The following PPP4R4 variants were observed in gnomAD, a reference collection of about 807,000 sequenced individuals.
PPP4R4 encodes serine/threonine-protein phosphatase 4 regulatory subunit 4.
A neutral mutation model predicts 121.8 loss-of-function variants in PPP4R4; 70 were observed. The observed-to-expected ratio is 0.57, with a 90% confidence interval of 0.47 to 0.70. The LOEUF is 0.70. Ranked by LOEUF, PPP4R4 falls within the 30% of genes least tolerant of loss-of-function variation. PPP4R4 has a pLI of 0.00. For missense variants in PPP4R4, 875 were observed against 1,033.6 expected (o/e 0.85, Z 2.10); for synonymous variants, 348 against 355.7 (o/e 0.98, Z 0.24).
intron 7 of PPP4R4, among the ~76,000 whole-genome samples, chr14:94,236,325 A>G (rs532807691): frequency 6.6e-6 from 1 of 152,272 alleles, no homozygotes; most frequent in East Asian, 1.9e-4. Flanking sequence ...TTCTTAAACT[A>G]TTTTCTTTCA....
intron 4 of PPP4R4, 133 bp downstream of exon 4, chr14:94,230,867 A>G: frequency 1.0e-6 from 1 of 990,874 alleles, no homozygotes; most frequent in Non-Finnish European, 1.4e-6. Context: ...TGAGCAGTGG[A>G]ATGACTTAAA....
At chr14:94,236,330 C>A (rs1419746309) in intron 7 of PPP4R4, among the ~76,000 whole-genome samples, 1 of 152,042 alleles carries the variant, frequency 6.6e-6, no homozygotes, top group East Asian at 1.9e-4. Flanking sequence ...AAACTATTTT[C>A]TTTCATTGTT....
intron 3 of PPP4R4, among the ~76,000 whole-genome samples, chr14:94,224,046 A>G (rs1891560231): frequency 6.6e-6 from 1 of 152,216 alleles, no homozygotes; most frequent in Non-Finnish European, 1.5e-5. Flanking sequence ...TTGGTATGAC[A>G]TTACATGTAT....
At chr14:94,197,114 C>A (rs1213076134) in intron 2 of PPP4R4, among the ~76,000 whole-genome samples, 1 of 152,100 alleles carries the variant, frequency 6.6e-6, no homozygotes, top group Non-Finnish European at 1.5e-5. Context: ...TTCTGTTTCT[C>A]TCCTGTACTT....
chr14:94,182,398 C>T (rs1340245666), intron 2 of PPP4R4, among the ~76,000 whole-genome samples: 1 of 152,144 alleles, frequency 6.6e-6, no homozygotes, highest in African/African-American at 2.4e-5. Flanking sequence ...ATCATGTTAG[C>T]TTAGTAGCTT....
intron 7 of PPP4R4, among the ~76,000 whole-genome samples, chr14:94,236,090 G>A (rs1331854985): frequency 6.6e-6 from 1 of 152,172 alleles, no homozygotes; most frequent in Admixed American, 6.5e-5. Context: ...CACAGGGTAT[G>A]GTAGTGTACT....
intron 17 of PPP4R4, among the ~76,000 whole-genome samples, chr14:94,257,595 T>A (rs1893541788): frequency 6.6e-6 from 1 of 151,514 alleles, no homozygotes; most frequent in Non-Finnish European, 1.5e-5. Flanking sequence ...CTTCTTTCAT[T>A]AACTGGTATA....
chr14:94,178,386 A>G (rs973179468), intron 2 of PPP4R4, among the ~76,000 whole-genome samples: 4 of 150,322 alleles, frequency 2.7e-5, no homozygotes, highest in African/African-American at 9.7e-5. Context: ...TTTATGTGTC[A>G]GGTTTGTTTC....
chr14:94,190,288 A>G (rs775141754), intron 2 of PPP4R4, among the ~76,000 whole-genome samples: 10 of 152,034 alleles, frequency 6.6e-5, no homozygotes, highest in Non-Finnish European at 1.0e-4. Flanking sequence ...TTCCCCTGCT[A>G]TGTCTTAACA....
chr14:94,220,252 A>G (rs966146966), intron 3 of PPP4R4, among the ~76,000 whole-genome samples: 7 of 152,104 alleles, frequency 4.6e-5, no homozygotes, highest in African/African-American at 1.7e-4. Flanking sequence ...TAACCTCACA[A>G]CTCAGTAAAC....
At chr14:94,231,343 A>G (rs1352866585) in intron 5 of PPP4R4, 28 bp downstream of exon 5, 2 of 1,548,674 alleles carry the variant, frequency 1.3e-6, no homozygotes, top group African/African-American at 1.4e-5. Flanking sequence ...GCAAATACTA[A>G]TAAGTAAGTC....
chr14:94,230,859 A>C, intron 4 of PPP4R4, 125 bp downstream of exon 4: 1 of 1,112,554 alleles, frequency 9.0e-7, no homozygotes. Flanking sequence ...CTAGGAGTTG[A>C]GCAGTGGAAT....
chr14:94,233,644 T>C lies in PPP4R4; in HGVS notation c.517-9T>C, dbSNP rs1253812973. On this transcript the variant is annotated splice_polypyrimidine_tract_variant and intron_variant, in intron 5 of 24. Coordinates refer to ENST00000304338, the MANE Select transcript of PPP4R4 (RefSeq NM_058237.2). ...TTTGTGAATTTTTTTCTCTAAATTT[T>C]CTCTTTAGATTTTGAATCCACTTGT... 1.3e-6 allele frequency: 2 copies of C among 1,532,850 alleles called. No individual in the cohort carries two copies. Among genetic ancestry groups the C allele is most frequent in the East Asian group, 4.5e-5 (2 of 44,100 alleles). The allele number at this position is 1,532,850 out of a possible 1,614,324, so 95.0% of individuals were successfully genotyped here.
intron 6 of PPP4R4, 30 bp downstream of exon 6, chr14:94,233,789 C>CT: frequency 7.2e-7 from 1 of 1,385,548 alleles, no homozygotes. Flanking sequence ...TTTCGGTCTA[C>CT]TTTATTACAT....
chr14:94,217,783 T>G (rs1891108245), intron 3 of PPP4R4, among the ~76,000 whole-genome samples: 1 of 151,938 alleles, frequency 6.6e-6, no homozygotes, highest in Non-Finnish European at 1.5e-5. Context: ...TCACCTGAGG[T>G]CAGGAGTTTG....
chr14:94,207,289 C>A (rs1379371243), intron 2 of PPP4R4, among the ~76,000 whole-genome samples: 2 of 151,708 alleles, frequency 1.3e-5, no homozygotes, highest in African/African-American at 4.8e-5. Context: ...TATTTCACAC[C>A]CTTTGCTATT....
At chr14:94,220,977 C>T (rs536734725) in intron 3 of PPP4R4, among the ~76,000 whole-genome samples, 3 of 152,158 alleles carry the variant, frequency 2.0e-5, no homozygotes, top group Non-Finnish European at 2.9e-5. Context: ...CTTGCATTAC[C>T]TGATTTCAAG....
intron 5 of PPP4R4, among the ~76,000 whole-genome samples, chr14:94,231,898 C>T (rs1002895359): frequency 3.3e-5 from 5 of 152,092 alleles, no homozygotes; most frequent in African/African-American, 1.2e-4. Flanking sequence ...GTTTCTGTTA[C>T]ATTTAATGGG....
At chr14:94,207,978 A>C (rs950083595) in intron 2 of PPP4R4, among the ~76,000 whole-genome samples, 4 of 151,924 alleles carry the variant, frequency 2.6e-5, no homozygotes, top group Non-Finnish European at 5.9e-5. Context: ...ATGGAGTCAA[A>C]TCTAGTGTAA....
Sources: gnomAD v4.1 joint callset for allele counts (sites outside exome capture counted in the v4.1 genomes callset) on GRCh38, gnomAD v4.1.1 for gene constraint, MANE v1.5 for transcripts, NCBI Gene and HGNC (gene_info 2026-07-23, HGNC 2026-07-21) for gene names.